SGF29: variants seen among roughly 807,000 people sequenced by gnomAD.
SGF29 encodes SAGA-associated factor 29.
A neutral mutation model predicts 38.1 loss-of-function variants in SGF29; 15 were observed. The ratio of observed to expected loss-of-function variants is 0.39; its 90% CI spans 0.26 to 0.61. The LOEUF is 0.61. Among genes scored for constraint, SGF29 ranks in the 20% least tolerant of loss-of-function variants. The probability of loss-of-function intolerance (pLI) is 0.49; values close to 1 mark genes in which losing one functional copy is unlikely to be tolerated. For missense variants in SGF29, 184 were observed against 394.6 expected, an observed-to-expected ratio of 0.47 and a Z score of 4.52; for synonymous variants, 151 against 160.8, an observed-to-expected ratio of 0.94 and a Z score of 0.46.
intron 1 of SGF29, 62 bp downstream of exon 1, chr16:28,554,159 C>G (rs1051757833): frequency 6.6e-6 from 1 of 152,212 alleles, no homozygotes; most frequent in Non-Finnish European, 1.5e-5. Context: ...AGGGCTGAGT[C>G]CTCCCTCCGC....
At chr16:28,560,703 G>A (rs1008795730) in intron 1 of SGF29, among the ~76,000 whole-genome samples, 3 of 149,288 alleles carry the variant, frequency 2.0e-5, no homozygotes, top group Non-Finnish European at 4.5e-5. Flanking sequence ...GGCTCACGCC[G>A]GTAATCCCAG....
chr16:28,578,734 A>T (rs1291978197), intron 1 of SGF29, among the ~76,000 whole-genome samples: 1 of 149,858 alleles, frequency 6.7e-6, no homozygotes, highest in Non-Finnish European at 1.5e-5. Context: ...CGAGGTCAGG[A>T]GTTTGAGACC....
In SGF29 at chr16:28,564,023, A is replaced by G. The variant is rs145993328; in HGVS notation, c.-16+9926A>G. ...CGGCCTCCCAAAGTGCTGGGATTAGAGGCTTAAGCCACTGTGCCTGGCCAA... is the reference window on the plus strand; with the variant it reads ...CGGCCTCCCAAAGTGCTGGGATTAGGGGCTTAAGCCACTGTGCCTGGCCAA... On this transcript the variant is annotated intron_variant, in intron 1 of 9. Coordinates refer to ENST00000317058, the MANE Select transcript of SGF29 (RefSeq NM_138414.3). 5.6e-3 allele frequency among the ~76,000 whole-genome samples: 851 copies of G among 152,286 alleles called. 9 individuals carry two copies. Among genetic ancestry groups the G allele is most frequent in the African/African-American group, 0.019 (807 of 41,572 alleles).
intron 1 of SGF29, among the ~76,000 whole-genome samples, chr16:28,561,927 C>T (rs974784682): frequency 6.6e-6 from 1 of 152,172 alleles, no homozygotes; most frequent in Admixed American, 6.6e-5. Flanking sequence ...TTTGCTTCTA[C>T]TTAGAACATG....
intron 1 of SGF29, among the ~76,000 whole-genome samples, chr16:28,579,007 G>A (rs1284895797): frequency 6.6e-6 from 1 of 151,990 alleles, no homozygotes; most frequent in Non-Finnish European, 1.5e-5. Flanking sequence ...GGCTGATCTC[G>A]AGCTCCTGGA....
At position 28,590,675 on chromosome 16, in the gene SGF29, C is replaced by T. The variant is rs779028767; in HGVS notation, c.602+9C>T. 3.7e-6 allele frequency: 6 copies of T among 1,613,996 alleles called. No homozygotes were observed. The African/African-American group carries it at 8.0e-5, about 22-fold the overall frequency. ...GATGAAGAAGGCAAAGAGTGAGTGT[C>T]CAGGCCAGGGCAGGGCATGGAGCCT... On this transcript the variant is annotated intron_variant, in intron 8 of 9. Transcript: ENST00000317058. This position sits in a 1 kb window ranked among gnomAD's most constrained non-coding sequence, Gnocchi z 8.2.
intron 1 of SGF29, among the ~76,000 whole-genome samples, chr16:28,564,786 T>TATGTATATATATAC (rs1567286284): frequency 1.1e-3 from 125 of 110,316 alleles, no homozygotes; most frequent in Middle Eastern, 4.6e-3. Context: ...TATATATATA[T>TATGTATATATATAC]ACACACACAC....
intron 1 of SGF29, among the ~76,000 whole-genome samples, chr16:28,564,741 ATATG>A (rs2046823459): frequency 1.5e-4 from 1 of 6,510 alleles, no homozygotes; most frequent in African/African-American, 3.0e-4. Context: ...ATATATGTAT[ATATG>A]TATATATATG....
At chr16:28,565,186 C>T (rs57074938) in intron 1 of SGF29, among the ~76,000 whole-genome samples, 2,298 of 152,250 alleles carry the variant, frequency 0.015, 64 homozygotes, top group East Asian at 0.1. Flanking sequence ...GCCAACTGGA[C>T]GGTGCCCACC....
At chr16:28,575,441 G>A (rs1002740782) in intron 1 of SGF29, among the ~76,000 whole-genome samples, 1 of 152,238 alleles carries the variant, frequency 6.6e-6, no homozygotes, top group African/African-American at 2.4e-5. Context: ...AGCACTTTGG[G>A]AGGCCAAGGC....
At chr16:28,578,424 G>A (rs1196649046) in intron 1 of SGF29, among the ~76,000 whole-genome samples, 1 of 152,074 alleles carries the variant, frequency 6.6e-6, no homozygotes, top group Non-Finnish European at 1.5e-5. Context: ...TGACTTAGGG[G>A]AAAGCTTTTA....
At chr16:28,586,133 T>G (rs1431899833) in intron 4 of SGF29, among the ~76,000 whole-genome samples, 1 of 151,166 alleles carries the variant, frequency 6.6e-6, no homozygotes, top group Admixed American at 6.6e-5. Flanking sequence ...TACAAAAAGT[T>G]TTTAATTAGC....
At chr16:28,559,924 T>C (rs2046775753) in intron 1 of SGF29, among the ~76,000 whole-genome samples, 1 of 152,100 alleles carries the variant, frequency 6.6e-6, no homozygotes, top group Admixed American at 6.6e-5. Context: ...GTCCAGGATA[T>C]AATCCAAAAT....
intron 1 of SGF29, among the ~76,000 whole-genome samples, chr16:28,571,804 G>A (rs1385826622): frequency 6.6e-6 from 1 of 151,948 alleles, no homozygotes; most frequent in African/African-American, 2.4e-5. Flanking sequence ...GAGAGAGCTG[G>A]GGTGTGAAGT....
Position 28,564,535 on chromosome 16 carries a change from A to G in SGF29, c.-16+10438A>G, listed in dbSNP as rs1377929109. On this transcript the variant is annotated intron_variant, in intron 1 of 9. Transcript: ENST00000317058. ...TATATATATATGTGTGTGTATATATATATGTATATATATACGTATATATAT... is the reference window on the plus strand; with the variant it reads ...TATATATATATGTGTGTGTATATATGTATGTATATATATACGTATATATAT... 4.5e-3 allele frequency among the ~76,000 whole-genome samples: 516 copies of G among 113,918 alleles called. 3 individuals are homozygous for G. The highest frequency in any genetic ancestry group is 7.8e-3 in the Non-Finnish European group (437 of 56,048). The allele number at this position is 113,918 out of a possible 152,430, so 74.7% of individuals were successfully genotyped here. A position where few individuals can be genotyped will look rare whatever the true frequency, so the allele number is the denominator to read the frequency against.
intron 1 of SGF29, among the ~76,000 whole-genome samples, chr16:28,564,757 ATATATG>A (rs2046824647): frequency 1.5e-5 from 1 of 66,690 alleles, no homozygotes; most frequent in Non-Finnish European, 2.9e-5. Context: ...ATATATATGT[ATATATG>A]TATATATATG....
At chr16:28,565,393 A>T (rs2151644162) in intron 1 of SGF29, among the ~76,000 whole-genome samples, 1 of 152,298 alleles carries the variant, frequency 6.6e-6, no homozygotes, top group African/African-American at 2.4e-5. Context: ...GTATGTAAGC[A>T]GGTGTGCAGT....
chr16:28,566,273 CAAAAAA>C (rs898260859), intron 1 of SGF29, among the ~76,000 whole-genome samples: 6 of 133,094 alleles, frequency 4.5e-5, no homozygotes, highest in Non-Finnish European at 9.7e-5. Context: ...GACTCTGTCT[CAAAAAA>C]AAAAAGAAAA....
At chr16:28,563,118 C>T (rs1379961274) in intron 1 of SGF29, among the ~76,000 whole-genome samples, 1 of 151,862 alleles carries the variant, frequency 6.6e-6, no homozygotes, top group African/African-American at 2.4e-5. Flanking sequence ...TTGCATTTTT[C>T]TTTCACCTTA....
Sources: gnomAD v4.1 joint callset for allele counts (sites outside exome capture counted in the v4.1 genomes callset) on GRCh38, gnomAD v4.1.1 for gene constraint, Gnocchi (gnomAD v3.1) non-coding constraint, MANE v1.5 for transcripts, NCBI Gene and HGNC (gene_info 2026-07-23, HGNC 2026-07-21) for gene names.